Variants in LINGO2 observed in about 807,000 individuals in gnomAD.
The protein encoded by LINGO2 is leucine rich repeat and Ig domain containing 2, also known as leucine-rich repeat and immunoglobulin-like domain-containing nogo receptor-interacting protein 2.
Under a neutral mutation model 30.6 loss-of-function variants are expected in LINGO2, and 14 were observed. The ratio of observed to expected loss-of-function variants is 0.46; its 90% CI spans 0.30 to 0.72. The LOEUF is 0.72. LINGO2 is among the 30% of genes least tolerant of loss of function. The probability of loss-of-function intolerance (pLI) is 0.07; values close to 1 mark genes in which losing one functional copy is unlikely to be tolerated. For synonymous variants in LINGO2, 317 were observed against 288.5 expected, an observed-to-expected ratio of 1.10 and a Z score of -1.00; for missense variants, 729 against 751.7, an observed-to-expected ratio of 0.97 and a Z score of 0.35.
the LINGO2 span, among the ~76,000 whole-genome samples, chr9:29,026,054 G>A: frequency 6.6e-6 from 1 of 151,346 alleles, no homozygotes. Context: ...TTTTTTTGGA[G>A]ACAAGGTCTT....
the LINGO2 span, among the ~76,000 whole-genome samples, chr9:28,841,832 T>A: frequency 6.6e-6 from 1 of 151,768 alleles, no homozygotes; most frequent in Admixed American, 6.5e-5. Flanking sequence ...GTTGACAGTA[T>A]TTTTTGCTGA....
At chr9:29,036,043 C>T in the LINGO2 span, among the ~76,000 whole-genome samples, 1 of 151,994 alleles carries the variant, frequency 6.6e-6, no homozygotes, top group Non-Finnish European at 1.5e-5. Flanking sequence ...GGATAGTTTA[C>T]CTCATTTAAA....
At chr9:28,662,298 A>G (rs1563900529) in intron 1 of LINGO2, among the ~76,000 whole-genome samples, 1 of 152,182 alleles carries the variant, frequency 6.6e-6, no homozygotes, top group Non-Finnish European at 1.5e-5. Context: ...TCTGAGGGGA[A>G]AATTTGGAGT....
intron 1 of LINGO2, among the ~76,000 whole-genome samples, chr9:28,538,847 C>T (rs1821548855): frequency 6.6e-6 from 1 of 151,758 alleles, no homozygotes; most frequent in Non-Finnish European, 1.5e-5. Flanking sequence ...TTGTTTCCAA[C>T]CTATGAATTT....
At chr9:28,037,939 C>T (rs1824015032) in intron 4 of LINGO2, among the ~76,000 whole-genome samples, 2 of 152,164 alleles carry the variant, frequency 1.3e-5, no homozygotes, top group South Asian at 4.1e-4. Context: ...GATGTTCTCC[C>T]TTTAGATAAG....
At chr9:29,183,863 C>G in the LINGO2 span, among the ~76,000 whole-genome samples, 1 of 151,448 alleles carries the variant, frequency 6.6e-6, no homozygotes, top group African/African-American at 2.4e-5. Context: ...AAGTTGCTCC[C>G]TCAGTCTTCC....
chr9:28,635,317 T>C (rs1827209650), intron 1 of LINGO2, among the ~76,000 whole-genome samples: 2 of 152,200 alleles, frequency 1.3e-5, no homozygotes, highest in African/African-American at 4.8e-5. Context: ...GGTAGACTTC[T>C]ACCCTAACTG....
At chr9:28,581,193 T>C (rs74408703) in intron 1 of LINGO2, among the ~76,000 whole-genome samples, 205 of 152,056 alleles carry the variant, frequency 1.3e-3, no homozygotes, top group Non-Finnish European at 2.4e-3. Context: ...ATCTAATATA[T>C]TCCTAGAAGT....
At chr9:29,030,970 T>C in the LINGO2 span, among the ~76,000 whole-genome samples, 2 of 152,304 alleles carry the variant, frequency 1.3e-5, no homozygotes, top group Admixed American at 1.3e-4. Flanking sequence ...GGTGCAGGTA[T>C]CACTGTACAT....
intron 1 of LINGO2, among the ~76,000 whole-genome samples, chr9:28,636,128 T>C (rs929873503): frequency 6.6e-6 from 1 of 152,154 alleles, no homozygotes; most frequent in African/African-American, 2.4e-5. Context: ...TCCAGCTTCA[T>C]CCATGTCCCT....
At chr9:29,198,157 A>C in the LINGO2 span, among the ~76,000 whole-genome samples, 1 of 152,104 alleles carries the variant, frequency 6.6e-6, no homozygotes, top group African/African-American at 2.4e-5. Flanking sequence ...CCTCTGGAAC[A>C]ATGGTCTGTA....
intron 4 of LINGO2, among the ~76,000 whole-genome samples, chr9:28,166,383 G>A (rs955281486): frequency 6.6e-6 from 1 of 152,150 alleles, no homozygotes; most frequent in Admixed American, 6.6e-5. Context: ...TCAGTGGGAG[G>A]TACCTACCGG....
chr9:28,566,248 G>A lies in LINGO2; in HGVS notation c.-364-90223C>T, dbSNP rs528535507. On this transcript the variant is annotated intron_variant, in intron 1 of 5. Transcript: ENST00000379992. ...GGAGGAGGATCTTTTAGGGGCTCGT[G>A]GCTGAAGCCACTTTGTCTACCAGAA... Among the ~76,000 whole-genome samples, 53 of 152,238 alleles carry A rather than the reference G, an allele frequency of 3.5e-4. 1 individual carries two copies. The South Asian group carries it at 9.5e-3, about 27-fold the overall frequency.
chr9:29,190,725 T>C, the LINGO2 span, among the ~76,000 whole-genome samples: 2 of 152,202 alleles, frequency 1.3e-5, no homozygotes, highest in Admixed American at 6.5e-5. Flanking sequence ...TAAAAAATTA[T>C]ATTTGCCCTT....
At chr9:28,560,998 A>G (rs931313278) in intron 1 of LINGO2, among the ~76,000 whole-genome samples, 10 of 152,174 alleles carry the variant, frequency 6.6e-5, no homozygotes, top group African/African-American at 2.4e-4. Context: ...TAAACATATA[A>G]GTTTTGTGTA....
the LINGO2 span, among the ~76,000 whole-genome samples, chr9:29,186,144 T>C: frequency 6.6e-6 from 1 of 152,162 alleles, no homozygotes; most frequent in Non-Finnish European, 1.5e-5. Context: ...CAAACTGAAC[T>C]ATACAGACTT....
intron 4 of LINGO2, among the ~76,000 whole-genome samples, chr9:28,181,516 C>A (rs545283945): frequency 3.9e-5 from 6 of 152,094 alleles, no homozygotes; most frequent in Non-Finnish European, 7.4e-5. Flanking sequence ...ATTAGACATG[C>A]CAGTGGTAGG....
chr9:28,393,855 A>T (rs1821935684), intron 2 of LINGO2, among the ~76,000 whole-genome samples: 1 of 152,182 alleles, frequency 6.6e-6, no homozygotes, highest in Non-Finnish European at 1.5e-5. Flanking sequence ...CTAATGACTA[A>T]TGGAAGTTAG....
At chr9:28,128,206 G>A (rs1336119278) in intron 4 of LINGO2, among the ~76,000 whole-genome samples, 3 of 152,164 alleles carry the variant, frequency 2.0e-5, no homozygotes, top group African/African-American at 7.2e-5. Context: ...GGAAAAGTGA[G>A]TTGTACAAAG....
Sources: allele counts gnomAD v4.1 joint callset (sites outside exome capture counted in the v4.1 genomes callset), GRCh38; gene constraint gnomAD v4.1.1; transcripts MANE v1.5; gene names NCBI Gene and HGNC (gene_info 2026-07-23, HGNC 2026-07-21).